The following STK33 variants were observed in gnomAD, a reference collection of about 807,000 sequenced individuals.
STK33 encodes serine/threonine kinase 33.
STK33 carries 52 observed loss-of-function variants against 58.0 expected under a neutral mutation model. The observed-to-expected ratio is 0.90, with a 90% confidence interval of 0.72 to 1.13. The LOEUF (loss-of-function observed/expected upper bound fraction) is 1.13, where lower values mean the gene tolerates loss of function less well. Ranked by LOEUF, STK33 falls within the 50% of genes most tolerant of loss-of-function variation. STK33 has a pLI of 0.00. For missense variants in STK33, 630 were observed against 604.2 expected (o/e 1.04, Z -0.45); for synonymous variants, 215 against 200.1 (o/e 1.07, Z -0.63).
At chr11:8,429,631 G>C (rs563881865) in intron 14 of STK33, among the ~76,000 whole-genome samples, 1 of 151,904 alleles carries the variant, frequency 6.6e-6, no homozygotes. Context: ...TTGCCACCAC[G>C]ACAACCATAT....
At chr11:8,424,579 G>C (rs1304973859) in intron 14 of STK33, among the ~76,000 whole-genome samples, 1 of 151,630 alleles carries the variant, frequency 6.6e-6, no homozygotes, top group Non-Finnish European at 1.5e-5. Flanking sequence ...CTTCCACAAT[G>C]GTTGAACTAG....
chr11:8,436,014 C>A lies in STK33; in HGVS notation c.1060+13G>T. 6.7e-7 allele frequency: 1 copy of A among 1,483,568 alleles called. No individual in the cohort carries two copies. Among genetic ancestry groups the A allele is most frequent in the South Asian group, 1.3e-5 (1 of 76,096 alleles). 91.9% of individuals were successfully genotyped at this position (1,483,568 alleles called of 1,614,324 possible). A position where few individuals can be genotyped will look rare whatever the true frequency, so the allele number is the denominator to read the frequency against. On this transcript the variant is annotated intron_variant, in intron 13 of 15. Coordinates refer to ENST00000687296, the MANE Select transcript of STK33 (RefSeq NM_001352389.2). ...ATATTAGCTTTAGTAAATAATAACG[C>A]ATCTATACTTACCACAGTCACTTAT...
chr11:8,560,215 C>A lies in STK33; in HGVS notation c.-466+33868G>T, dbSNP rs1013051741. On this transcript the variant is annotated intron_variant, in intron 1 of 15. Coordinates refer to ENST00000687296, the MANE Select transcript of STK33 (RefSeq NM_001352389.2). ...ATTTATTATTTTGATAAATGTCAGACTGCCCTCAAGAAAGGATATGAGAGT... is the reference window on the plus strand; with the variant it reads ...ATTTATTATTTTGATAAATGTCAGAATGCCCTCAAGAAAGGATATGAGAGT... Among the ~76,000 whole-genome samples, 3 of 152,100 alleles carry A rather than the reference C, an allele frequency of 2.0e-5. No individual in the cohort carries two copies. The East Asian group carries it at 5.8e-4, about 29-fold the overall frequency.
chr11:8,379,425 A>C, the STK33 span, among the ~76,000 whole-genome samples: 1 of 152,240 alleles, frequency 6.6e-6, no homozygotes, highest in Admixed American at 6.5e-5. Context: ...TAGAATCTAC[A>C]AATAACTCAA....
chr11:8,529,535 AC>A (rs2140088847), intron 1 of STK33, among the ~76,000 whole-genome samples: 1 of 152,228 alleles, frequency 6.6e-6, no homozygotes, highest in East Asian at 1.9e-4. Flanking sequence ...CAAAAAGCTC[AC>A]CCTCTGACCC....
Position 8,392,242 on chromosome 11 carries a change from TA to T in STK33, c.*267del. ...CTTAAATTGAAGGTATCTGCCCCCC[TA>T]AAAAACCTTCGTGTACATCTTGAGT... On this transcript the variant is annotated 3_prime_UTR_variant, in exon 16 of 16. Coordinates refer to ENST00000687296, the MANE Select transcript of STK33 (RefSeq NM_001352389.2). The T allele has an allele frequency of 2.2e-6, 1 of 464,928 alleles. No individual in the cohort carries two copies. The highest frequency in any genetic ancestry group is 3.5e-5 in the East Asian group (1 of 28,194). 28.8% of individuals were successfully genotyped at this position (464,928 alleles called of 1,614,324 possible).
At chr11:8,454,395 C>T (rs1946612387) in intron 10 of STK33, among the ~76,000 whole-genome samples, 1 of 152,130 alleles carries the variant, frequency 6.6e-6, no homozygotes. Context: ...GTATCAAAAG[C>T]ACACGCAAGG....
At chr11:8,453,055 A>G (rs924093258) in intron 10 of STK33, 149 bp from the exon 11 acceptor site, 14 of 680,826 alleles carry the variant, frequency 2.1e-5, no homozygotes, top group Non-Finnish European at 3.3e-5. Flanking sequence ...AAAATTTTGC[A>G]TTTCCTTCCC....
Position 8,461,805 on chromosome 11 carries a change from C to G in STK33, c.558G>C (p.Lys186Asn), listed in dbSNP as rs1947556677. The G allele has an allele frequency of 1.3e-6, 2 of 1,574,262 alleles. No homozygotes were observed. The highest frequency in any genetic ancestry group is 1.7e-6 in the Non-Finnish European group (2 of 1,164,094). The change falls in exon 8 of 16, where the codon AAG becomes AAC. Residue 186 changes from lysine to asparagine, a missense_variant and splice_region_variant. Transcript: ENST00000687296. Reference protein sequence around the residue: ...IHLEQVFETPKKMYLVMELCE... With the variant: ...IHLEQVFETPNKMYLVMELCE... ...AATGCAGCGCCTAATAGAGGTTTAC[C>G]TTTGGCGTTTCAAATACTTGTTCCA...
intron 1 of STK33, among the ~76,000 whole-genome samples, chr11:8,542,638 G>A (rs1327069876): frequency 6.6e-6 from 1 of 152,218 alleles, no homozygotes; most frequent in Non-Finnish European, 1.5e-5. Flanking sequence ...CTAAAAGAAT[G>A]CCAAGCACGT....
intron 1 of STK33, among the ~76,000 whole-genome samples, chr11:8,529,607 T>C (rs1233745700): frequency 6.6e-6 from 1 of 151,930 alleles, no homozygotes; most frequent in African/African-American, 2.4e-5. Context: ...TGGTGGGCCC[T>C]AAGTAATCAC....
chr11:8,551,733 T>C (rs1388383770), intron 1 of STK33, among the ~76,000 whole-genome samples: 2 of 152,176 alleles, frequency 1.3e-5, no homozygotes, highest in African/African-American at 2.4e-5. Context: ...CAGAACTATA[T>C]TGCTGTCCCG....
intron 1 of STK33, among the ~76,000 whole-genome samples, chr11:8,563,712 A>G (rs892587648): frequency 5.9e-5 from 9 of 152,194 alleles, no homozygotes; most frequent in Non-Finnish European, 1.2e-4. Flanking sequence ...TGAGAACTGA[A>G]TTTCCTGGTA....
chr11:8,400,583 CACTCCTAT>C (rs1937672691), intron 15 of STK33, among the ~76,000 whole-genome samples: 2 of 152,216 alleles, frequency 1.3e-5, no homozygotes, highest in Admixed American at 6.5e-5. Context: ...CCTCTCTCAC[CACTCCTAT>C]TTAACATAGT....
chr11:8,472,311 A>G (rs1317231237), intron 6 of STK33, among the ~76,000 whole-genome samples: 1 of 152,158 alleles, frequency 6.6e-6, no homozygotes, highest in Admixed American at 6.5e-5. Context: ...AATCATTTCA[A>G]GTAAGTTGCC....
At chr11:8,372,255 G>A in the STK33 span, among the ~76,000 whole-genome samples, 1 of 151,956 alleles carries the variant, frequency 6.6e-6, no homozygotes, top group African/African-American at 2.4e-5. Context: ...CAAGGCTCAG[G>A]CCAAGTTCTA....
At chr11:8,579,261 T>A (rs557943298) in intron 1 of STK33, among the ~76,000 whole-genome samples, 9 of 152,008 alleles carry the variant, frequency 5.9e-5, no homozygotes, top group Non-Finnish European at 1.3e-4. Flanking sequence ...AATCTAAACC[T>A]TTCAGTGGAG....
chr11:8,553,012 C>G lies in STK33; in HGVS notation c.-466+41071G>C, dbSNP rs538674942. 6.0e-5 allele frequency among the ~76,000 whole-genome samples: 9 copies of G among 150,490 alleles called. No individual in the cohort carries two copies. The South Asian group carries it at 1.9e-3, about 32-fold the overall frequency. On this transcript the variant is annotated intron_variant, in intron 1 of 15. Transcript: ENST00000687296. Reference sequence around the variant, plus strand: ...CATAAAAAAAAAAAACTTAAATTAGCCAGGCATGTGGCACACACCTGTAGT... The same window carrying G: ...CATAAAAAAAAAAAACTTAAATTAGGCAGGCATGTGGCACACACCTGTAGT...
chr11:8,410,470 C>CTTTTTTTTTTTTTTTTTTT (rs11382344), intron 15 of STK33, among the ~76,000 whole-genome samples: 8 of 121,844 alleles, frequency 6.6e-5, no homozygotes, highest in Admixed American at 9.4e-5. Flanking sequence ...CTTTTCTTTT[C>CTTTTTTTTTTTTTTTTTTT]TTTTTTTTTT....
Sources: gnomAD v4.1 joint callset for allele counts (sites outside exome capture counted in the v4.1 genomes callset) on GRCh38, gnomAD v4.1.1 for gene constraint, MANE v1.5 for transcripts, NCBI Gene and HGNC (gene_info 2026-07-23, HGNC 2026-07-21) for gene names.